The following CAP2 variants were observed in gnomAD, a reference collection of about 807,000 sequenced individuals.
CAP2 encodes cyclase associated actin cytoskeleton regulatory protein 2, also known as adenylyl cyclase-associated protein 2.
CAP2 carries 24 observed loss-of-function variants against 57.7 expected under a neutral mutation model. That is an observed-to-expected ratio of 0.42 (90% confidence interval 0.30 to 0.58). The LOEUF (loss-of-function observed/expected upper bound fraction) is 0.58, where lower values mean the gene tolerates loss of function less well. CAP2 is among the 20% of genes least tolerant of loss of function. The probability of loss-of-function intolerance (pLI) is 0.22; values close to 1 mark genes in which losing one functional copy is unlikely to be tolerated. For synonymous variants in CAP2, 194 were observed against 207.2 expected (o/e 0.94, Z 0.55); for missense variants, 501 against 590.3 (o/e 0.85, Z 1.57).
intron 3 of CAP2, among the ~76,000 whole-genome samples, chr6:17,435,717 TAA>T (rs1187314233): frequency 0.012 from 936 of 77,836 alleles, 12 homozygotes; most frequent in African/African-American, 0.039. Context: ...AGTTTACGGA[TAA>T]AAAAAAAAAA....
Position 17,539,278 on chromosome 6 carries a change from G to A in CAP2, c.646G>A (p.Ala216Thr), listed in dbSNP as rs1301936383. The A allele has an allele frequency of 6.2e-7, 1 of 1,613,152 alleles. No individual in the cohort carries two copies. The highest frequency in any genetic ancestry group is 1.7e-5 in the Admixed American group (1 of 59,918). ...GLTWSKTGPV[A>T]STVSAFSVLS... is the part of the protein sequence containing the mutation. ...TCTTCTGTCTTCTCAGGGTCCTGTA[G>A]CATCCACAGTATCAGCGTTTTCTGT... is the stretch of plus-strand genomic sequence containing the variant. The change falls in exon 8 of 13, where the codon GCA becomes ACA. Residue 216 changes from alanine (A) to threonine (T), a missense_variant. Coordinates refer to ENST00000229922, the MANE Select transcript of CAP2 (RefSeq NM_006366.3).
At chr6:17,424,169 G>C (rs1397152224) in intron 2 of CAP2, among the ~76,000 whole-genome samples, 2 of 152,044 alleles carry the variant, frequency 1.3e-5, no homozygotes, top group Admixed American at 6.6e-5. Flanking sequence ...GGGAGGCCGC[G>C]GCGAGCCGAT....
rs191146235 is a variant in CAP2 at position 17,529,610 on chromosome 6, C to G, written c.637-9659C>G. Reference sequence around the variant, plus strand: ...GAGCCGAGATCACGCCACTGCACTCCGGCCTGGGCAACAGAGCAAGACTCC... The same window carrying G: ...GAGCCGAGATCACGCCACTGCACTCGGGCCTGGGCAACAGAGCAAGACTCC... On this transcript the variant is annotated intron_variant, in intron 7 of 12. Coordinates refer to ENST00000229922, the MANE Select transcript of CAP2 (RefSeq NM_006366.3). 1.3e-3 allele frequency among the ~76,000 whole-genome samples: 179 copies of G among 142,612 alleles called. 1 individual carries two copies. The highest frequency in any genetic ancestry group is 4.5e-3 in the African/African-American group (167 of 36,790). 93.6% of individuals were successfully genotyped at this position (142,612 alleles called of 152,430 possible). A position where few individuals can be genotyped will look rare whatever the true frequency, so the allele number is the denominator to read the frequency against.
At chr6:17,543,624 CAAAAAAAAAAAAA>C (rs66747239) in intron 11 of CAP2, among the ~76,000 whole-genome samples, 1 of 83,918 alleles carries the variant, frequency 1.2e-5, no homozygotes, top group Non-Finnish European at 2.3e-5. Context: ...GACTCCATCT[CAAAAAAAAAAAAA>C]AAAAAAAAAG....
chr6:17,484,103 C>T (rs1761362515), intron 4 of CAP2, among the ~76,000 whole-genome samples: 1 of 151,940 alleles, frequency 6.6e-6, no homozygotes, highest in African/African-American at 2.4e-5. Context: ...ACCACGGACT[C>T]CCTTTTTTGT....
At chr6:17,506,376 G>C (rs933107133) in intron 4 of CAP2, among the ~76,000 whole-genome samples, 2 of 152,042 alleles carry the variant, frequency 1.3e-5, no homozygotes, top group African/African-American at 2.4e-5. Context: ...AAAAGGGCTG[G>C]GTGTGGTGGC....
chr6:17,554,360 C>A (rs1763245672), intron 12 of CAP2, among the ~76,000 whole-genome samples: 1 of 152,212 alleles, frequency 6.6e-6, no homozygotes, highest in Non-Finnish European at 1.5e-5. Flanking sequence ...TCCTGGGAAT[C>A]CTTCCCTGCA....
chr6:17,448,768 CTT>C (rs68005681), intron 3 of CAP2, among the ~76,000 whole-genome samples: 62 of 147,224 alleles, frequency 4.2e-4, no homozygotes, highest in Middle Eastern at 3.5e-3. Flanking sequence ...TCTACATTAT[CTT>C]TTTTTTTTTT....
intron 3 of CAP2, among the ~76,000 whole-genome samples, chr6:17,459,160 C>T (rs1252092907): frequency 2.6e-5 from 4 of 152,134 alleles, no homozygotes; most frequent in African/African-American, 4.8e-5. Flanking sequence ...GATCTAAAGT[C>T]GGAAGGGACC....
intron 9 of CAP2, among the ~76,000 whole-genome samples, chr6:17,542,080 T>C (rs190139668): frequency 5.3e-5 from 8 of 152,280 alleles, no homozygotes; most frequent in African/African-American, 1.4e-4. Context: ...CCTTAACCAA[T>C]AGCTCCCTGT....
chr6:17,491,638 GC>G (rs1320441816), intron 4 of CAP2, among the ~76,000 whole-genome samples: 12 of 152,160 alleles, frequency 7.9e-5, no homozygotes, highest in Non-Finnish European at 2.9e-5. Flanking sequence ...CGAAGCCAAT[GC>G]TTTTTTTGTT....
intron 6 of CAP2, among the ~76,000 whole-genome samples, chr6:17,508,838 A>C (rs535335510): frequency 5.9e-5 from 9 of 151,542 alleles, no homozygotes; most frequent in Admixed American, 3.3e-4. Flanking sequence ...GCTCACTGCA[A>C]CCTCTGCCTC....
Position 17,444,804 on chromosome 6 carries a change from C to CA in CAP2, c.222+18114_222+18115insA, listed in dbSNP as rs1760206563. On this transcript the variant is annotated intron_variant, in intron 3 of 12. Transcript: ENST00000229922. ...TCTGTAGATTTTTGTTTCTCTCTCTCCACACACACACACACACACACACAC... is the reference window on the plus strand; with the variant it reads ...TCTGTAGATTTTTGTTTCTCTCTCTCACACACACACACACACACACACACAC... Among the ~76,000 whole-genome samples, 240 of 140,518 alleles carry CA rather than the reference C, an allele frequency of 1.7e-3. 4 individuals are homozygous for CA. The highest frequency in any genetic ancestry group is 6.0e-3 in the African/African-American group (226 of 37,602). 92.2% of individuals were successfully genotyped at this position (140,518 alleles called of 152,430 possible).
At chr6:17,396,099 G>A (rs1416962783) in intron 1 of CAP2, among the ~76,000 whole-genome samples, 3 of 152,074 alleles carry the variant, frequency 2.0e-5, no homozygotes, top group African/African-American at 7.2e-5. Flanking sequence ...AAACCACGAT[G>A]GGATACCACT....
At chr6:17,484,814 C>T (rs1285625776) in intron 4 of CAP2, among the ~76,000 whole-genome samples, 1 of 152,158 alleles carries the variant, frequency 6.6e-6, no homozygotes, top group Non-Finnish European at 1.5e-5. Context: ...CTGCTTTGGA[C>T]ACCTGGAGCC....
intron 7 of CAP2, among the ~76,000 whole-genome samples, chr6:17,515,006 T>C (rs1176448339): frequency 6.6e-6 from 1 of 152,046 alleles, no homozygotes; most frequent in East Asian, 1.9e-4. Context: ...GAGACCAGCC[T>C]GTCCAACATG....
intron 4 of CAP2, among the ~76,000 whole-genome samples, chr6:17,488,263 C>T (rs1011764884): frequency 3.9e-5 from 6 of 152,162 alleles, no homozygotes; most frequent in African/African-American, 1.4e-4. Flanking sequence ...CATAGCTTGG[C>T]TTTGTGCTCT....
chr6:17,476,783 T>C (rs1761158185), intron 4 of CAP2, among the ~76,000 whole-genome samples: 1 of 151,960 alleles, frequency 6.6e-6, no homozygotes, highest in Non-Finnish European at 1.5e-5. Context: ...GAGGGAGTTG[T>C]GAGCTGATCA....
rs1379756860 is a variant in CAP2 at position 17,397,938 on chromosome 6, G to A, written c.-2+4192G>A. On this transcript the variant is annotated intron_variant, in intron 1 of 12. Transcript: ENST00000229922. ...TATTTTAATGGGAAAAAAAAAAAAA[G>A]AAAACCTGATTCTCCTTTGACTTAC... Among the ~76,000 whole-genome samples the A allele has an allele frequency of 1.2e-4, 18 of 149,050 alleles. No homozygotes were observed. The South Asian group carries it at 1.5e-3, about 12-fold the overall frequency.
Sources: allele counts gnomAD v4.1 joint callset (sites outside exome capture counted in the v4.1 genomes callset), GRCh38; gene constraint gnomAD v4.1.1; transcripts MANE v1.5; gene names NCBI Gene and HGNC (gene_info 2026-07-23, HGNC 2026-07-21).